GSG1L: variants seen among roughly 807,000 people sequenced by gnomAD.
GSG1L encodes GSG1 like.
GSG1L carries 24 observed loss-of-function variants against 42.1 expected under a neutral mutation model. The observed-to-expected ratio is 0.57, with a 90% CI of 0.41 to 0.80. The LOEUF is 0.80. Ranked by LOEUF, GSG1L falls within the 30% of genes least tolerant of loss-of-function variation. The pLI is 0.00. For synonymous variants in GSG1L, 215 were observed against 203.5 expected, an observed-to-expected ratio of 1.06 and a Z score of -0.48; for missense variants, 445 against 472.2, an observed-to-expected ratio of 0.94 and a Z score of 0.53.
At position 27,894,511 on chromosome 16, in the gene GSG1L, A is replaced by T. The variant is rs182741877; in HGVS notation, c.398-9873T>A. 1.6e-3 allele frequency among the ~76,000 whole-genome samples: 239 copies of T among 152,308 alleles called. 2 individuals are homozygous for T. Among genetic ancestry groups the T allele is most frequent in the African/African-American group, 5.3e-3 (219 of 41,566 alleles). On this transcript the variant is annotated intron_variant, in intron 2 of 6. Coordinates refer to ENST00000447459, the MANE Select transcript of GSG1L (RefSeq NM_001109763.2). ...CATCAGTTTAATACATCAAATCAAT[A>T]AGGCACGGCGCAGTGGCCGCTGGCT...
chr16:27,854,385 T>A (rs2083549641), intron 3 of GSG1L, among the ~76,000 whole-genome samples: 1 of 145,584 alleles, frequency 6.9e-6, no homozygotes, highest in Non-Finnish European at 1.5e-5. Flanking sequence ...GAGAGGGGGA[T>A]GGTTGGCCCC....
At chr16:27,895,286 T>C (rs2084177473) in intron 2 of GSG1L, among the ~76,000 whole-genome samples, 1 of 152,208 alleles carries the variant, frequency 6.6e-6, no homozygotes, top group African/African-American at 2.4e-5. Flanking sequence ...CACGTGATGA[T>C]GGCTGTGGGG....
chr16:27,917,822 C>G (rs1443754884), intron 2 of GSG1L, among the ~76,000 whole-genome samples: 3 of 152,180 alleles, frequency 2.0e-5, no homozygotes, highest in African/African-American at 7.2e-5. Flanking sequence ...TCGGGCACAG[C>G]TAGACGGAGG....
intron 1 of GSG1L, among the ~76,000 whole-genome samples, chr16:27,996,058 A>G (rs922931227): frequency 2.6e-5 from 4 of 152,046 alleles, no homozygotes; most frequent in Non-Finnish European, 5.9e-5. Flanking sequence ...AACACACACA[A>G]GAAAATCAAC....
chr16:27,982,447 G>T (rs1160303422), intron 1 of GSG1L, among the ~76,000 whole-genome samples: 1 of 152,170 alleles, frequency 6.6e-6, no homozygotes, highest in Non-Finnish European at 1.5e-5. Context: ...CGTGAAGTGA[G>T]GCAATTCCTG....
intron 2 of GSG1L, among the ~76,000 whole-genome samples, chr16:27,907,257 C>CAG (rs1232676451): frequency 2.0e-5 from 3 of 152,186 alleles, no homozygotes; most frequent in African/African-American, 7.2e-5. Context: ...GAGAGCCGAG[C>CAG]AGAGAGAGAA....
At chr16:27,939,733 G>A (rs1320051118) in intron 2 of GSG1L, among the ~76,000 whole-genome samples, 1 of 152,212 alleles carries the variant, frequency 6.6e-6, no homozygotes, top group Non-Finnish European at 1.5e-5. Flanking sequence ...CCTGGCCTGG[G>A]GGACCGAGGA....
chr16:28,058,059 C>T (rs1202011305), intron 1 of GSG1L, among the ~76,000 whole-genome samples: 2 of 152,194 alleles, frequency 1.3e-5, no homozygotes, highest in Non-Finnish European at 2.9e-5. Flanking sequence ...ACCCGGGGCT[C>T]GTGACTCCAG....
intron 2 of GSG1L, among the ~76,000 whole-genome samples, chr16:27,908,036 C>G (rs528502405): frequency 6.6e-6 from 1 of 152,298 alleles, no homozygotes; most frequent in African/African-American, 2.4e-5. Flanking sequence ...TGTGTCTGTA[C>G]CCTTTTAAAA....
intron 2 of GSG1L, among the ~76,000 whole-genome samples, chr16:27,953,468 G>A (rs1464924585): frequency 1.3e-5 from 2 of 152,146 alleles, no homozygotes; most frequent in Admixed American, 6.5e-5. Flanking sequence ...TTTAAGCAGC[G>A]CAGACTGGAG....
chr16:27,818,699 AT>A (rs1451224948), intron 5 of GSG1L, among the ~76,000 whole-genome samples: 2 of 152,236 alleles, frequency 1.3e-5, no homozygotes, highest in African/African-American at 4.8e-5. Context: ...TTTTGGGCAA[AT>A]AAATGACTGC....
chr16:27,869,651 GTCTTCCTC>G (rs2083781031), intron 3 of GSG1L, among the ~76,000 whole-genome samples: 1 of 69,284 alleles, frequency 1.4e-5, no homozygotes, highest in African/African-American at 4.5e-5. Context: ...TCTCCTCTCT[GTCTTCCTC>G]CATCTCTCTC....
chr16:27,831,329 A>AT (rs1262986985), intron 4 of GSG1L, among the ~76,000 whole-genome samples: 33 of 151,724 alleles, frequency 2.2e-4, no homozygotes, highest in East Asian at 1.9e-4. Context: ...GTTTCTTTTT[A>AT]TTTTTTTTCC....
intron 3 of GSG1L, among the ~76,000 whole-genome samples, chr16:27,877,874 C>T (rs1186023443): frequency 6.6e-6 from 1 of 152,112 alleles, no homozygotes; most frequent in Non-Finnish European, 1.5e-5. Context: ...GTCCTGGGTG[C>T]AAAGCCCTGC....
intron 3 of GSG1L, among the ~76,000 whole-genome samples, chr16:27,848,364 G>C (rs964494140): frequency 2.0e-5 from 3 of 152,164 alleles, no homozygotes; most frequent in Non-Finnish European, 4.4e-5. Flanking sequence ...ATGTTGGGCT[G>C]GTTAGTATAA....
intron 5 of GSG1L, among the ~76,000 whole-genome samples, chr16:27,827,027 T>A (rs2083217668): frequency 6.6e-6 from 1 of 152,186 alleles, no homozygotes; most frequent in Non-Finnish European, 1.5e-5. Flanking sequence ...GGGGCCCAAC[T>A]CCCCTTCCAT....
At chr16:27,932,567 G>A (rs1458252886) in intron 2 of GSG1L, among the ~76,000 whole-genome samples, 1 of 152,156 alleles carries the variant, frequency 6.6e-6, no homozygotes, top group African/African-American at 2.4e-5. Flanking sequence ...CGCCATGACA[G>A]CACCAAGTGG....
In GSG1L at chr16:27,888,480, T is replaced by C. The variant is rs8047828; in HGVS notation, c.398-3842A>G. Among the ~76,000 whole-genome samples, 57 of 22,664 alleles carry C rather than the reference T, an allele frequency of 2.5e-3. 8 individuals are homozygous for C. Among genetic ancestry groups the C allele is most frequent in the African/African-American group, 2.9e-3 (26 of 9,044 alleles). 14.9% of individuals were successfully genotyped at this position (22,664 alleles called of 152,430 possible). ...TCTTTCTTTCTCTCTCTCTCTCTCTTTCCTTTCTTTCTTTCTTTCTTTCTT... is the reference window on the plus strand; with the variant it reads ...TCTTTCTTTCTCTCTCTCTCTCTCTCTCCTTTCTTTCTTTCTTTCTTTCTT... On this transcript the variant is annotated intron_variant, in intron 2 of 6. Coordinates refer to ENST00000447459, the MANE Select transcript of GSG1L (RefSeq NM_001109763.2).
chr16:27,928,979 C>G (rs936960825), intron 2 of GSG1L, among the ~76,000 whole-genome samples: 4 of 152,236 alleles, frequency 2.6e-5, no homozygotes, highest in African/African-American at 4.8e-5. Context: ...AGCAGTGGTT[C>G]TCAGCCCTGG....
Sources: gnomAD v4.1 joint callset for allele counts (sites outside exome capture counted in the v4.1 genomes callset) on GRCh38, gnomAD v4.1.1 for gene constraint, MANE v1.5 for transcripts, NCBI Gene and HGNC (gene_info 2026-07-23, HGNC 2026-07-21) for gene names.